FAM178B: variants seen among roughly 807,000 people sequenced by gnomAD.
FAM178B encodes the protein family with sequence similarity 178 member B.
Under a neutral mutation model 91.7 loss-of-function variants are expected in FAM178B, and 82 were observed. The ratio of observed to expected loss-of-function variants is 0.89; its 90% confidence interval spans 0.75 to 1.07. The LOEUF is 1.07. FAM178B is among the 50% of genes least tolerant of loss of function. The pLI is 0.00. For synonymous variants in FAM178B, 368 were observed against 359.4 expected, an observed-to-expected ratio of 1.02 and a Z score of -0.27; for missense variants, 769 against 846.7, an observed-to-expected ratio of 0.91 and a Z score of 1.14.
At chr2:96,895,666 C>A (rs1339960662) in intron 13 of FAM178B, among the ~76,000 whole-genome samples, 1 of 152,186 alleles carries the variant, frequency 6.6e-6, no homozygotes, top group African/African-American at 2.4e-5. Context: ...GGGGGCAGGG[C>A]GGGGAGTAAG....
intron 8 of FAM178B, among the ~76,000 whole-genome samples, chr2:96,945,274 C>A (rs183345273): frequency 0.023 from 3,481 of 152,250 alleles, 76 homozygotes; most frequent in South Asian, 0.1. Context: ...ACCGCCCCAC[C>A]CCCCACACAC....
intron 13 of FAM178B, among the ~76,000 whole-genome samples, chr2:96,900,418 G>A (rs1014605805): frequency 2.6e-5 from 4 of 152,196 alleles, no homozygotes; most frequent in Non-Finnish European, 5.9e-5. Flanking sequence ...AGCGTGCACT[G>A]CCTTCCCGGG....
At chr2:96,986,130 GC>G (rs1198688719) in intron 1 of FAM178B, 110 bp downstream of exon 1, 51 of 1,486,908 alleles carry the variant, frequency 3.4e-5, no homozygotes, top group Non-Finnish European at 4.4e-5. Context: ...CCCGGCGGCC[GC>G]ACCGGGGCTG....
rs1273236159 is a variant in FAM178B, at chr2:96,967,462, G to A, written c.734+58C>T. 5 of 1,079,420 alleles carry A rather than the reference G, an allele frequency of 4.6e-6. No homozygotes were observed. In the South Asian group the frequency reaches 5.4e-5, roughly 12 times the overall value. The allele number at this position is 1,079,420 out of a possible 1,614,324, so 66.9% of individuals were successfully genotyped here. On this transcript the variant is annotated intron_variant, in intron 5 of 16. Coordinates refer to ENST00000490605, the MANE Select transcript of FAM178B (RefSeq NM_001122646.3). The stretch of plus-strand genomic sequence containing the variant: ...GTCAAAACTCTGTCCAAAACCAGAG[G>A]GGGTTGGCACCTCAGTCTTTCCCCT...
chr2:96,952,136 T>C (rs1026696154), intron 6 of FAM178B, among the ~76,000 whole-genome samples: 1 of 152,062 alleles, frequency 6.6e-6, no homozygotes, highest in Admixed American at 6.5e-5. Context: ...CAGGAGTGGG[T>C]GTCTTAGCCT....
intron 1 of FAM178B, among the ~76,000 whole-genome samples, chr2:96,975,495 T>C (rs1278515902): frequency 6.6e-6 from 1 of 152,232 alleles, no homozygotes; most frequent in Non-Finnish European, 1.5e-5. Flanking sequence ...CACATGCCTA[T>C]AATTCGTAAA....
At chr2:96,948,648 T>G (rs2081870861) in intron 7 of FAM178B, among the ~76,000 whole-genome samples, 1 of 152,186 alleles carries the variant, frequency 6.6e-6, no homozygotes, top group Admixed American at 6.5e-5. Flanking sequence ...CCAGAAAAGT[T>G]TGCCTTGTGG....
chr2:96,885,980 G>T (rs1280231702), intron 14 of FAM178B, among the ~76,000 whole-genome samples: 1 of 150,256 alleles, frequency 6.7e-6, no homozygotes, highest in African/African-American at 2.5e-5. Flanking sequence ...ACAGAGCAAT[G>T]GTTTCCCCAT....
At chr2:96,983,629 TGCC>T (rs1261183003) in intron 1 of FAM178B, among the ~76,000 whole-genome samples, 2 of 152,154 alleles carry the variant, frequency 1.3e-5, no homozygotes, top group Non-Finnish European at 1.5e-5. Flanking sequence ...TTCATTGTGT[TGCC>T]CAGGCTGGTC....
At chr2:96,916,613 C>T (rs1028347092) in intron 12 of FAM178B, among the ~76,000 whole-genome samples, 4 of 152,188 alleles carry the variant, frequency 2.6e-5, no homozygotes, top group African/African-American at 7.2e-5. Flanking sequence ...GCCCCAATGG[C>T]GCCACCTCCC....
At chr2:96,960,580 C>G in intron 5 of FAM178B, 140 bp from the exon 6 acceptor site, 1 of 999,618 alleles carries the variant, frequency 1.0e-6, no homozygotes, top group Non-Finnish European at 1.4e-6. Context: ...GGGGACAGCG[C>G]CACCTGCTGA....
chr2:96,940,317 G>A (rs754635281), intron 8 of FAM178B, among the ~76,000 whole-genome samples: 15 of 152,178 alleles, frequency 9.9e-5, no homozygotes, highest in Non-Finnish European at 1.9e-4. Context: ...CACAGGAGAC[G>A]CGACCTGCAG....
chr2:96,949,823 TG>T (rs2081894484), intron 7 of FAM178B, among the ~76,000 whole-genome samples: 1 of 152,222 alleles, frequency 6.6e-6, no homozygotes. Flanking sequence ...AGCAGAGCTC[TG>T]TGGGGGCACA....
At chr2:96,950,857 G>A (rs146232303) in intron 7 of FAM178B, among the ~76,000 whole-genome samples, 66 of 152,270 alleles carry the variant, frequency 4.3e-4, no homozygotes, top group African/African-American at 1.4e-3. Context: ...ACGCTCAAAC[G>A]CCCAAGCACC....
At chr2:96,926,530 G>A (rs748450997) in intron 9 of FAM178B, among the ~76,000 whole-genome samples, 2 of 152,188 alleles carry the variant, frequency 1.3e-5, no homozygotes, top group Non-Finnish European at 2.9e-5. Flanking sequence ...GTGTTGCAGC[G>A]TGGGCATGAG....
intron 14 of FAM178B, among the ~76,000 whole-genome samples, chr2:96,893,302 C>T (rs557909177): frequency 6.6e-6 from 1 of 152,294 alleles, no homozygotes; most frequent in South Asian, 2.1e-4. Context: ...CCTGCTCTGA[C>T]ATTCACCCAG....
In FAM178B at chr2:96,876,051, G is replaced by A; in HGVS notation, c.*225C>T. 2 of 575,370 alleles carry A rather than the reference G, an allele frequency of 3.5e-6. No homozygotes were observed. The highest frequency in any genetic ancestry group is 4.1e-5 in the South Asian group (2 of 48,224). 35.6% of individuals were successfully genotyped at this position (575,370 alleles called of 1,614,324 possible). ...GGAGGGCTGAGGGGTGGGCGAGGCA[G>A]AGAGGCCCATCCCTTGCTGAGAGGA... On this transcript the variant is annotated 3_prime_UTR_variant, in exon 17 of 17. Coordinates refer to ENST00000490605, the MANE Select transcript of FAM178B (RefSeq NM_001122646.3).
intron 15 of FAM178B, 113 bp downstream of exon 15, chr2:96,878,303 C>T: frequency 9.5e-7 from 1 of 1,049,194 alleles, no homozygotes; most frequent in Non-Finnish European, 1.4e-6. Context: ...CAGCCTCCCA[C>T]TCTCTGCAGT....
intron 5 of FAM178B, 83 bp from the exon 6 acceptor site, chr2:96,960,523 G>A: frequency 7.0e-7 from 1 of 1,426,758 alleles, no homozygotes; most frequent in South Asian, 1.4e-5. Context: ...GGGAAGGATA[G>A]AGGGGGGCCA....
Sources: allele counts gnomAD v4.1 joint callset (sites outside exome capture counted in the v4.1 genomes callset), GRCh38; gene constraint gnomAD v4.1.1; transcripts MANE v1.5; gene names NCBI Gene and HGNC (gene_info 2026-07-23, HGNC 2026-07-21).